The following SV2B variants were observed in gnomAD, a reference collection of about 807,000 sequenced individuals.
The protein encoded by SV2B is solute carrier family 22 member B2.
SV2B carries 41 observed loss-of-function variants against 73.9 expected under a neutral mutation model. The observed-to-expected ratio is 0.56, with a 90% CI of 0.43 to 0.72. SV2B has a LOEUF of 0.72. Among genes scored for constraint, SV2B ranks in the 30% least tolerant of loss-of-function variants. SV2B has a pLI of 0.00. For synonymous variants in SV2B, 314 were observed against 314.2 expected (o/e 1.00, Z 0.01); for missense variants, 764 against 857.8 (o/e 0.89, Z 1.37).
At position 91,212,479 on chromosome 15, in the gene SV2B, G is replaced by A. The variant is rs116444635; in HGVS notation, c.-391-13394G>A. On this transcript the variant is annotated intron_variant, in intron 1 of 12. Coordinates refer to ENST00000394232, the MANE Select transcript of SV2B (RefSeq NM_001323032.3). ...AGTCCCATCATTAGGTAACTTGACA[G>A]GACTCAAGTTTGCTAAGATTCACTG... Among the ~76,000 whole-genome samples the A allele has an allele frequency of 3.2e-3, 480 of 152,256 alleles. 3 individuals are homozygous for A. Among genetic ancestry groups the A allele is most frequent in the African/African-American group, 0.011 (459 of 41,544 alleles).
rs1283335380 is a variant in SV2B, at chr15:91,226,706, G to A, written c.443G>A (p.Gly148Glu). 2.5e-6 allele frequency: 4 copies of A among 1,603,932 alleles called. No individual in the cohort carries two copies. The highest frequency in any genetic ancestry group is 2.5e-6 in the Non-Finnish European group (3 of 1,178,740). ...ATGTGTCTGTCCAGTTCCAAAAAAG[G>A]AATGCTAGGTAAGTGGAAATTTCCA... The part of the protein sequence containing the change: ...KDMCLSSSKK[G>E]MLGMIVYLGM... Residue 148 changes from glycine to glutamate, a missense_variant, in exon 2 of 13, where the codon GGA becomes GAA. Transcript: ENST00000394232.
At chr15:91,274,032 T>C (rs1056159317) in intron 9 of SV2B, among the ~76,000 whole-genome samples, 1 of 151,032 alleles carries the variant, frequency 6.6e-6, no homozygotes, top group Non-Finnish European at 1.5e-5. Context: ...AATACTCTGT[T>C]GGGGGAGAAA....
chr15:91,278,678 C>CAA lies in SV2B; in HGVS notation c.1374-3030_1374-3029dup, dbSNP rs746732650. On this transcript the variant is annotated intron_variant, in intron 9 of 12. Transcript: ENST00000394232. Reference sequence around the variant, plus strand: ...TGGGCGACAGAGCGAGACTCCGTCTCAAAAAAAAAAAAAAAAAAAAAGAAG... The same window carrying CAA: ...TGGGCGACAGAGCGAGACTCCGTCTCAAAAAAAAAAAAAAAAAAAAAAAGAAG... 1.2e-3 allele frequency among the ~76,000 whole-genome samples: 52 copies of CAA among 42,252 alleles called. 1 individual carries two copies. The highest frequency in any genetic ancestry group is 0.011 in the Middle Eastern group (1 of 90). The allele number at this position is 42,252 out of a possible 152,430, so 27.7% of individuals were successfully genotyped here. A position where few individuals can be genotyped will look rare whatever the true frequency, so the allele number is the denominator to read the frequency against.
rs1275509746 is a variant in SV2B, at chr15:91,266,036, G to A, written c.1009-546G>A. ...TGCAGGCATGTAGTCCCAGCTACTC[G>A]GGAGGCTGAGGCAGGAGAATCGTTT... is the stretch of plus-strand genomic sequence containing the variant. On this transcript the variant is annotated intron_variant, in intron 6 of 12. Transcript: ENST00000394232. Among the ~76,000 whole-genome samples, 9 of 152,264 alleles carry A rather than the reference G, an allele frequency of 5.9e-5. No individual in the cohort carries two copies. In the South Asian group the frequency reaches 1.7e-3, roughly 28 times the overall value.
chr15:91,287,015 C>T (rs1243977721), intron 11 of SV2B, among the ~76,000 whole-genome samples: 1 of 152,188 alleles, frequency 6.6e-6, no homozygotes, highest in African/African-American at 2.4e-5. Flanking sequence ...TGGCTGGCCC[C>T]TCTGAGGGAT....
chr15:91,133,015 T>C (rs1251272681), intron 1 of SV2B, among the ~76,000 whole-genome samples: 1 of 152,230 alleles, frequency 6.6e-6, no homozygotes, highest in African/African-American at 2.4e-5. Flanking sequence ...TTACCTCTGT[T>C]AGTTTATTTA....
Position 91,136,285 on chromosome 15 carries a change from G to T in SV2B, c.-392+35922G>T, listed in dbSNP as rs1030742927. 6.6e-6 allele frequency among the ~76,000 whole-genome samples: 1 copy of T among 152,134 alleles called. No homozygotes were observed. The highest frequency in any genetic ancestry group is 2.4e-5 in the African/African-American group (1 of 41,440). ...CATAGGTATAAACCTCAGATTAGTCGGGAGAGAGCGGCCGACCTCAGCAGG... is the reference window on the plus strand; with the variant it reads ...CATAGGTATAAACCTCAGATTAGTCTGGAGAGAGCGGCCGACCTCAGCAGG... On this transcript the variant is annotated intron_variant, in intron 1 of 12. Coordinates refer to ENST00000394232, the MANE Select transcript of SV2B (RefSeq NM_001323032.3). This position sits in a 1 kb window ranked among gnomAD's most constrained non-coding sequence, Gnocchi z 5.6.
chr15:91,203,522 C>A (rs942028245), intron 1 of SV2B, among the ~76,000 whole-genome samples: 2 of 152,182 alleles, frequency 1.3e-5, no homozygotes, highest in African/African-American at 4.8e-5. Context: ...TGATGAAATG[C>A]CTTTATATCT....
rs978031243 is a variant in SV2B, at chr15:91,240,869, G to T, written c.452-10950G>T. 6.6e-6 allele frequency among the ~76,000 whole-genome samples: 1 copy of T among 152,106 alleles called. No homozygotes were observed. The highest frequency in any genetic ancestry group is 1.5e-5 in the Non-Finnish European group (1 of 68,010). The stretch of plus-strand genomic sequence containing the variant: ...GCCTCAGATGAGTGCTCTTGGCCCC[G>T]TCACAGCCTCCACTCTTGTACCATT... On this transcript the variant is annotated intron_variant, in intron 2 of 12. Transcript: ENST00000394232. The surrounding 1 kb of genome is among the most constrained non-coding windows in gnomAD (Gnocchi z 4.6).
At chr15:91,175,309 C>G (rs891845527) in intron 1 of SV2B, among the ~76,000 whole-genome samples, 3 of 151,374 alleles carry the variant, frequency 2.0e-5, no homozygotes, top group African/African-American at 2.4e-5. Flanking sequence ...GGCTGGAGTG[C>G]AAGGGCACGA....
At chr15:91,147,612 C>T (rs954259653) in intron 1 of SV2B, among the ~76,000 whole-genome samples, 50 of 152,258 alleles carry the variant, frequency 3.3e-4, no homozygotes, top group African/African-American at 1.2e-3. Flanking sequence ...CTCTCATTCC[C>T]GAAGGCCATA....
At chr15:91,182,393 A>G (rs1476412236) in intron 1 of SV2B, among the ~76,000 whole-genome samples, 2 of 152,252 alleles carry the variant, frequency 1.3e-5, no homozygotes, top group Admixed American at 6.5e-5. Context: ...GCACGCATGC[A>G]TGAATAACTA....
At chr15:91,276,207 CCCTT>C (rs1224407821) in intron 9 of SV2B, among the ~76,000 whole-genome samples, 1 of 150,920 alleles carries the variant, frequency 6.6e-6, no homozygotes. Context: ...TTCTTTTGCT[CCCTT>C]CAAGATTTTC....
chr15:91,223,126 C>T lies in SV2B; in HGVS notation c.-391-2747C>T, dbSNP rs536417391. ...GTCTTCACTTTGTCTTCCTTTTGAGCGTGTCTGTCTCTGTGTCCTTTTGTG... is the reference window on the plus strand; with the variant it reads ...GTCTTCACTTTGTCTTCCTTTTGAGTGTGTCTGTCTCTGTGTCCTTTTGTG... On this transcript the variant is annotated intron_variant, in intron 1 of 12. Transcript: ENST00000394232. This position sits in a 1 kb window ranked among gnomAD's most constrained non-coding sequence, Gnocchi z 4.6. Among the ~76,000 whole-genome samples the T allele has an allele frequency of 3.3e-5, 5 of 152,182 alleles. No homozygotes were observed. Among genetic ancestry groups the T allele is most frequent in the South Asian group, 4.2e-4 (2 of 4,814 alleles).
intron 1 of SV2B, among the ~76,000 whole-genome samples, chr15:91,119,697 T>A (rs2042274489): frequency 6.6e-6 from 1 of 152,254 alleles, no homozygotes; most frequent in South Asian, 2.1e-4. Flanking sequence ...CTTGTTCTAG[T>A]TAACCTGACA....
intron 1 of SV2B, among the ~76,000 whole-genome samples, chr15:91,142,964 A>G (rs1465866900): frequency 2.0e-5 from 3 of 152,146 alleles, no homozygotes; most frequent in Admixed American, 6.5e-5. Context: ...CTTTCTTTCA[A>G]CGGTTTTTTA....
chr15:91,121,495 T>G lies in SV2B; in HGVS notation c.-392+21132T>G, dbSNP rs192984534. 1.3e-5 allele frequency among the ~76,000 whole-genome samples: 2 copies of G among 152,220 alleles called. No individual in the cohort carries two copies. The highest frequency in any genetic ancestry group is 6.5e-5 in the Admixed American group (1 of 15,278). On this transcript the variant is annotated intron_variant, in intron 1 of 12. Transcript: ENST00000394232. This position sits in a 1 kb window ranked among gnomAD's most constrained non-coding sequence, Gnocchi z 4.4. Reference sequence around the variant, plus strand: ...CCATAATTCTTGGGTAGAATCTTGCTTCTTTTTCTTTCATGTCTATTATGT... The same window carrying G: ...CCATAATTCTTGGGTAGAATCTTGCGTCTTTTTCTTTCATGTCTATTATGT...
chr15:91,273,499 T>C (rs2048383625), intron 9 of SV2B, among the ~76,000 whole-genome samples: 1 of 152,232 alleles, frequency 6.6e-6, no homozygotes, highest in East Asian at 1.9e-4. Context: ...CCTTTTCCCC[T>C]GTCAAACATG....
chr15:91,202,016 C>G (rs11854467), intron 1 of SV2B, among the ~76,000 whole-genome samples: 50,023 of 152,024 alleles, frequency 0.33, 8,382 homozygotes, highest in African/African-American at 0.37. Context: ...TTGTGCTTGC[C>G]CCCTTTACTC....
Sources: gnomAD v4.1 joint callset for allele counts (sites outside exome capture counted in the v4.1 genomes callset) on GRCh38, gnomAD v4.1.1 for gene constraint, Gnocchi (gnomAD v3.1) non-coding constraint, MANE v1.5 for transcripts, NCBI Gene and HGNC (gene_info 2026-07-23, HGNC 2026-07-21) for gene names.